Variants in CEP128 observed in about 807,000 individuals in gnomAD.
CEP128 encodes the protein centrosomal protein 128kDa.
In CEP128, 132 loss-of-function variants were observed where a neutral mutation model predicts 156.7. That is an observed-to-expected ratio of 0.84 (90% confidence interval 0.73 to 0.97). The LOEUF (loss-of-function observed/expected upper bound fraction) is 0.97, where lower values mean the gene tolerates loss of function less well. Ranked by LOEUF, CEP128 falls within the 50% of genes least tolerant of loss-of-function variation. The pLI is 0.00. For synonymous variants in CEP128, 469 were observed against 448.9 expected (o/e 1.04, Z -0.57); for missense variants, 1,252 against 1,281.9 (o/e 0.98, Z 0.36).
intron 19 of CEP128, among the ~76,000 whole-genome samples, chr14:80,645,386 G>T (rs907505812): frequency 1.3e-5 from 2 of 152,086 alleles, no homozygotes; most frequent in Admixed American, 6.6e-5. Context: ...TCTAATAGGA[G>T]AAATCAGACT....
intron 11 of CEP128, among the ~76,000 whole-genome samples, chr14:80,837,099 C>A (rs1022749119): frequency 6.6e-6 from 1 of 152,100 alleles, no homozygotes; most frequent in Non-Finnish European, 1.5e-5. Context: ...ACAAAGTCAG[C>A]GAATATTTTC....
intron 13 of CEP128, among the ~76,000 whole-genome samples, chr14:80,813,527 C>T (rs942774638): frequency 1.3e-5 from 2 of 151,972 alleles, no homozygotes; most frequent in East Asian, 1.9e-4. Context: ...TTACTTTTTA[C>T]AATTGTTTTA....
rs1321391988 is a variant in CEP128, at chr14:80,497,499, T to G, written c.3265A>C (p.Lys1089Gln). The change falls in exon 25 of 25, where the codon AAA (lysine) becomes CAA (glutamine). Residue 1089 changes from lysine (K) to glutamine (Q), a missense_variant. Transcript: ENST00000555265. ...TMNGTSSQPK[K>Q]EEYGS Reference sequence around the variant, plus strand: ...CTTTTTTAGCTCCCATATTCCTCTTTTTTGGGTTGTGAACTTGTTCCATTC... The same window carrying G: ...CTTTTTTAGCTCCCATATTCCTCTTGTTTGGGTTGTGAACTTGTTCCATTC... 5 of 1,611,692 alleles carry G rather than the reference T, an allele frequency of 3.1e-6. No homozygotes were observed. The highest frequency in any genetic ancestry group is 4.2e-6 in the Non-Finnish European group (5 of 1,178,346).
intron 8 of CEP128, chr14:80,894,770 T>G: frequency 3.2e-6 from 1 of 308,666 alleles, no homozygotes; most frequent in Non-Finnish European, 6.3e-6. Context: ...CAAGAGAAAT[T>G]TTCAAATACC....
intron 19 of CEP128, among the ~76,000 whole-genome samples, chr14:80,582,806 G>A (rs1891646369): frequency 6.6e-6 from 1 of 152,082 alleles, no homozygotes; most frequent in Non-Finnish European, 1.5e-5. Context: ...GTGTTCCTAT[G>A]AGGATGTGGC....
At chr14:80,845,435 G>T (rs1421894771) in intron 9 of CEP128, among the ~76,000 whole-genome samples, 1 of 152,050 alleles carries the variant, frequency 6.6e-6, no homozygotes, top group Non-Finnish European at 1.5e-5. Flanking sequence ...CTAGTAGAAG[G>T]TCTGTTTTTA....
At chr14:80,678,452 G>A (rs1309083886) in intron 19 of CEP128, among the ~76,000 whole-genome samples, 1 of 151,784 alleles carries the variant, frequency 6.6e-6, no homozygotes, top group Non-Finnish European at 1.5e-5. Context: ...GCAGATTAGA[G>A]GCTTTTAGCA....
chr14:80,486,725 A>C (rs1887174591), downstream of CEP128, among the ~76,000 whole-genome samples: 1 of 152,176 alleles, frequency 6.6e-6, no homozygotes, highest in South Asian at 2.1e-4. Context: ...CAACATTCTT[A>C]AAGAAAAGAA....
In CEP128 at chr14:80,761,592, C is replaced by G. The variant is rs1346466970; in HGVS notation, c.2398G>C (p.Glu800Gln). ...TCTTCCATCCTCCTTAAGTGCTCCT[C>G]TTCAATGCTTATATGTTTTTCCTAA... is the stretch of plus-strand genomic sequence containing the variant. ...EEREKHISIEEEHLRRMEEAR... is the reference protein window; with the variant it reads ...EEREKHISIEQEHLRRMEEAR... Residue 800 changes from glutamate to glutamine, a missense_variant, in exon 17 of 25, where the codon GAG becomes CAG. Glu to Gln is a conservative substitution (Grantham distance 29). Coordinates refer to ENST00000555265, the MANE Select transcript of CEP128 (RefSeq NM_152446.5). 9 of 1,605,302 alleles carry G rather than the reference C, an allele frequency of 5.6e-6. No homozygotes were observed. The highest frequency in any genetic ancestry group is 7.7e-6 in the Non-Finnish European group (9 of 1,174,898).
In CEP128 at chr14:80,904,853, G is replaced by T; in HGVS notation, c.440C>A (p.Thr147Asn). 1 of 1,611,440 alleles carries T rather than the reference G, an allele frequency of 6.2e-7. No homozygotes were observed. Among genetic ancestry groups the T allele is most frequent in the South Asian group, 1.1e-5 (1 of 91,010 alleles). The change falls in exon 6 of 25, where the codon ACT becomes AAT. Residue 147 changes from threonine to asparagine, a missense_variant. By Grantham distance (65) the Thr-to-Asn change is moderately conservative. Coordinates refer to ENST00000555265, the MANE Select transcript of CEP128 (RefSeq NM_152446.5). ...PQGIKRMRSR[T>N]GVRFVQETDD... ...AGTCTCTTGAACAAACCGGACACCA[G>T]TTCTTGATCTCATTCGTTTAATACC...
chr14:80,539,675 C>T (rs1184903757), intron 21 of CEP128, among the ~76,000 whole-genome samples: 1 of 152,104 alleles, frequency 6.6e-6, no homozygotes, highest in Non-Finnish European at 1.5e-5. Context: ...CAAGGGAAGA[C>T]AATCATAAGG....
chr14:80,832,983 G>C (rs1566658746), intron 12 of CEP128, among the ~76,000 whole-genome samples: 1 of 152,072 alleles, frequency 6.6e-6, no homozygotes, highest in Non-Finnish European at 1.5e-5. Flanking sequence ...TGCAAAAGTA[G>C]CCTAGACATT....
At chr14:80,704,841 CTT>C (rs1897186381) in intron 19 of CEP128, among the ~76,000 whole-genome samples, 1 of 151,426 alleles carries the variant, frequency 6.6e-6, no homozygotes, top group Admixed American at 6.6e-5. Flanking sequence ...TTTTTAAACT[CTT>C]TTATTGTAGA....
chr14:80,612,433 G>C (rs1387346061), intron 19 of CEP128, among the ~76,000 whole-genome samples: 4 of 152,144 alleles, frequency 2.6e-5, no homozygotes, highest in African/African-American at 9.7e-5. Context: ...TTCTTATATA[G>C]AGTCCTTGTT....
chr14:80,827,278 A>T (rs932643391), intron 13 of CEP128, among the ~76,000 whole-genome samples: 3 of 152,220 alleles, frequency 2.0e-5, no homozygotes, highest in African/African-American at 7.2e-5. Flanking sequence ...TCATTCAACA[A>T]ATACTAATTA....
At chr14:80,648,308 T>A (rs985104234) in intron 19 of CEP128, among the ~76,000 whole-genome samples, 5 of 152,114 alleles carry the variant, frequency 3.3e-5, no homozygotes, top group African/African-American at 1.2e-4. Flanking sequence ...ACCTGCCTTA[T>A]GGAATATCTA....
intron 13 of CEP128, among the ~76,000 whole-genome samples, chr14:80,827,108 A>G (rs1354170364): frequency 6.6e-6 from 1 of 152,192 alleles, no homozygotes; most frequent in Non-Finnish European, 1.5e-5. Context: ...CTTGAAATAT[A>G]TATTCTGGAT....
At chr14:80,478,105 C>G (rs1886978623) in exon 15 of CEP128, 1 of 152,080 alleles carries the variant, frequency 6.6e-6, no homozygotes, top group Non-Finnish European at 1.5e-5. Context: ...ACACTTTTTA[C>G]TAGCAGAGCG....
intron 19 of CEP128, among the ~76,000 whole-genome samples, chr14:80,607,541 A>G (rs1386252851): frequency 6.6e-6 from 1 of 152,198 alleles, no homozygotes; most frequent in Non-Finnish European, 1.5e-5. Flanking sequence ...AAAGTCTTGC[A>G]AGTTCCTTCA....
Sources: gnomAD v4.1 joint callset for allele counts (sites outside exome capture counted in the v4.1 genomes callset) on GRCh38, gnomAD v4.1.1 for gene constraint, MANE v1.5 for transcripts, NCBI Gene and HGNC (gene_info 2026-07-23, HGNC 2026-07-21) for gene names.